STAG1: variants seen among roughly 807,000 people sequenced by gnomAD.
The protein encoded by STAG1 is cohesin subunit SA-1.
In STAG1, 26 loss-of-function variants were observed where a neutral mutation model predicts 170.9. The observed-to-expected ratio is 0.15, with a 90% CI of 0.11 to 0.21. STAG1 has a LOEUF of 0.21. Ranked by LOEUF, STAG1 falls within the 10% of genes least tolerant of loss-of-function variation. STAG1 has a pLI of 1.00. For missense variants in STAG1, 964 were observed against 1,509.5 expected (o/e 0.64, Z 5.99); for synonymous variants, 514 against 497.7 (o/e 1.03, Z -0.44).
chr3:136,391,878 G>T (rs1161200553), intron 22 of STAG1, among the ~76,000 whole-genome samples: 1 of 152,166 alleles, frequency 6.6e-6, no homozygotes, highest in African/African-American at 2.4e-5. Context: ...GGGAATCAGG[G>T]GAACAGAGGA....
At chr3:136,641,484 G>C (rs1043997654) in intron 1 of STAG1, among the ~76,000 whole-genome samples, 6 of 152,094 alleles carry the variant, frequency 3.9e-5, no homozygotes, top group African/African-American at 1.2e-4. Flanking sequence ...CCTCCTAATA[G>C]GATAAACAAA....
At chr3:136,452,812 CAG>C (rs927257178) in intron 13 of STAG1, among the ~76,000 whole-genome samples, 3 of 152,130 alleles carry the variant, frequency 2.0e-5, no homozygotes, top group East Asian at 1.9e-4. Flanking sequence ...TTTTTTGAGA[CAG>C]AGTCTCGCTC....
chr3:136,439,542 C>T (rs1228156048), intron 15 of STAG1, among the ~76,000 whole-genome samples: 3 of 151,996 alleles, frequency 2.0e-5, no homozygotes, highest in African/African-American at 7.3e-5. Flanking sequence ...ACATCTCCAA[C>T]TGCTAACCAC....
intron 1 of STAG1, among the ~76,000 whole-genome samples, chr3:136,662,043 C>T (rs1011770936): frequency 1.3e-5 from 2 of 152,116 alleles, no homozygotes; most frequent in Non-Finnish European, 1.5e-5. Flanking sequence ...AATAAGCTGA[C>T]GTTTCTCTAA....
At chr3:136,558,392 C>G (rs935860646) in intron 5 of STAG1, among the ~76,000 whole-genome samples, 3 of 151,992 alleles carry the variant, frequency 2.0e-5, no homozygotes, top group Admixed American at 2.0e-4. Flanking sequence ...ACTTATGTCT[C>G]AAATAAAATA....
chr3:136,728,579 T>C (rs768070126), intron 1 of STAG1, among the ~76,000 whole-genome samples: 5 of 152,290 alleles, frequency 3.3e-5, no homozygotes, highest in East Asian at 3.9e-4. Flanking sequence ...ATATATACAA[T>C]ATGCTAAGAA....
intron 1 of STAG1, among the ~76,000 whole-genome samples, chr3:136,714,789 T>C (rs554300361): frequency 2.0e-5 from 3 of 149,430 alleles, no homozygotes; most frequent in Non-Finnish European, 4.5e-5. Flanking sequence ...CATGCCTATA[T>C]TCTCAGCTAC....
At chr3:136,729,509 T>C (rs1422663995) in intron 1 of STAG1, among the ~76,000 whole-genome samples, 1 of 151,782 alleles carries the variant, frequency 6.6e-6, no homozygotes, top group Non-Finnish European at 1.5e-5. Context: ...AGTCTAACAA[T>C]TACCCTAATT....
rs2087821094 is a variant in STAG1, at chr3:136,417,904, T to C, written c.2177A>G (p.His726Arg). Residue 726 changes from histidine to arginine, a missense_variant, in exon 21 of 34, where the codon CAT becomes CGT. By Grantham distance (29) the His-to-Arg change is conservative. This residue lies in a region of STAG1 where 232 missense variants were observed against 313.0 expected (regional missense o/e 0.74). Coordinates refer to ENST00000383202, the MANE Select transcript of STAG1 (RefSeq NM_005862.3). Reference protein sequence around the residue: ...CYRLLKTGIEHGAMPEQIVVQ... With the variant: ...CYRLLKTGIERGAMPEQIVVQ... The stretch of plus-strand genomic sequence containing the variant: ...TCCTACCTGTTCTGGCATGGCTCCA[T>C]GTTCAATTCCAGTCTTCAATAATCT... 5 of 1,613,792 alleles carry C rather than the reference T, an allele frequency of 3.1e-6. No individual in the cohort carries two copies. The highest frequency in any genetic ancestry group is 2.7e-5 in the African/African-American group (2 of 74,942).
At chr3:136,376,645 T>C (rs540013035) in intron 23 of STAG1, among the ~76,000 whole-genome samples, 45 of 152,230 alleles carry the variant, frequency 3.0e-4, no homozygotes, top group Admixed American at 9.8e-4. Flanking sequence ...GCGGGTGGTA[T>C]TGACAAGAGT....
chr3:136,373,927 T>C (rs1937480616), intron 23 of STAG1, among the ~76,000 whole-genome samples: 1 of 152,180 alleles, frequency 6.6e-6, no homozygotes, highest in African/African-American at 2.4e-5. Context: ...ATCTGTCTAA[T>C]ATTGACAGTG....
chr3:136,466,014 C>T (rs1319169514), intron 12 of STAG1, among the ~76,000 whole-genome samples: 1 of 152,168 alleles, frequency 6.6e-6, no homozygotes, highest in African/African-American at 2.4e-5. Flanking sequence ...ACGTCACCAT[C>T]ATCAAAGACC....
At chr3:136,518,047 G>C (rs1934473114) in intron 7 of STAG1, 1 of 207,782 alleles carries the variant, frequency 4.8e-6, no homozygotes, top group Non-Finnish European at 9.5e-6. Flanking sequence ...ACTATATAAT[G>C]ATAAAAAAAA....
At chr3:136,400,681 G>A (rs541337096) in intron 21 of STAG1, among the ~76,000 whole-genome samples, 3 of 151,996 alleles carry the variant, frequency 2.0e-5, no homozygotes, top group East Asian at 3.9e-4. Flanking sequence ...GATTACAGGC[G>A]CCTGCCACCA....
At chr3:136,538,643 C>G (rs2107721353) in intron 6 of STAG1, among the ~76,000 whole-genome samples, 1 of 152,108 alleles carries the variant, frequency 6.6e-6, no homozygotes, top group African/African-American at 2.4e-5. Context: ...GTTCTGTGAA[C>G]TTCTGACCTC....
chr3:136,374,086 C>G (rs1937488513), intron 23 of STAG1, among the ~76,000 whole-genome samples: 1 of 151,924 alleles, frequency 6.6e-6, no homozygotes, highest in Non-Finnish European at 1.5e-5. Context: ...ATCCCTTTAC[C>G]ATTATGTAAT....
intron 9 of STAG1, among the ~76,000 whole-genome samples, chr3:136,490,447 G>A (rs927161854): frequency 6.6e-6 from 1 of 152,154 alleles, no homozygotes; most frequent in African/African-American, 2.4e-5. Flanking sequence ...GAAAGGCACT[G>A]CATCACTAAG....
At chr3:136,353,791 A>G (rs1292554754) in intron 28 of STAG1, among the ~76,000 whole-genome samples, 2 of 152,256 alleles carry the variant, frequency 1.3e-5, no homozygotes, top group African/African-American at 4.8e-5. Flanking sequence ...TTTACATGAA[A>G]AAACAAAGAG....
intron 22 of STAG1, among the ~76,000 whole-genome samples, chr3:136,396,828 AAC>A (rs1164657392): frequency 3.3e-5 from 5 of 152,166 alleles, no homozygotes; most frequent in Non-Finnish European, 2.9e-5. Context: ...ACCAGGCTGT[AAC>A]ACAGTTTTAA....
Sources: gnomAD v4.1 joint callset for allele counts (sites outside exome capture counted in the v4.1 genomes callset) on GRCh38, gnomAD v4.1.1 for gene constraint, gnomAD v4.1.1 regional missense constraint, MANE v1.5 for transcripts, NCBI Gene and HGNC (gene_info 2026-07-23, HGNC 2026-07-21) for gene names.